ITFG1: variants seen among roughly 807,000 people sequenced by gnomAD.
ITFG1 encodes T-cell immunomodulatory protein.
A neutral mutation model predicts 81.8 loss-of-function variants in ITFG1; 34 were observed. The ratio of observed to expected loss-of-function variants is 0.42; its 90% confidence interval spans 0.32 to 0.55. The LOEUF (loss-of-function observed/expected upper bound fraction) is 0.55, where lower values mean the gene tolerates loss of function less well. Among genes scored for constraint, ITFG1 ranks in the 20% least tolerant of loss-of-function variants. The pLI is 0.17. For synonymous variants in ITFG1, 285 were observed against 270.6 expected (o/e 1.05, Z -0.52); for missense variants, 672 against 755.4 (o/e 0.89, Z 1.29).
intron 14 of ITFG1, among the ~76,000 whole-genome samples, chr16:47,179,104 TA>T (rs1555502500): frequency 1.1e-4 from 17 of 151,072 alleles, no homozygotes; most frequent in South Asian, 4.2e-4. Context: ...TGTGGAGAAA[TA>T]GGAACACTTT....
At chr16:47,272,107 G>A (rs1349011833) in intron 10 of ITFG1, among the ~76,000 whole-genome samples, 2 of 152,082 alleles carry the variant, frequency 1.3e-5, no homozygotes, top group Non-Finnish European at 2.9e-5. Context: ...TACACACTAC[G>A]ACATAGAAAA....
chr16:47,349,575 C>T (rs1195082611), intron 8 of ITFG1, among the ~76,000 whole-genome samples: 1 of 152,102 alleles, frequency 6.6e-6, no homozygotes, highest in South Asian at 2.1e-4. Flanking sequence ...CCTTAGAGAC[C>T]TACACAGAGA....
intron 10 of ITFG1, among the ~76,000 whole-genome samples, chr16:47,270,838 A>AT (rs1312343569): frequency 6.0e-3 from 915 of 152,300 alleles, no homozygotes; most frequent in African/African-American, 0.02. Flanking sequence ...CATTAATATA[A>AT]AATATTAGAA....
At chr16:47,347,550 C>T (rs1221648722) in intron 8 of ITFG1, among the ~76,000 whole-genome samples, 1 of 152,022 alleles carries the variant, frequency 6.6e-6, no homozygotes, top group Non-Finnish European at 1.5e-5. Context: ...AGCTGGGAAG[C>T]CCGAAATGGG....
At chr16:47,210,720 T>A (rs1361230378) in intron 14 of ITFG1, among the ~76,000 whole-genome samples, 2 of 152,186 alleles carry the variant, frequency 1.3e-5, no homozygotes, top group Admixed American at 6.5e-5. Context: ...TATCTTTCCT[T>A]TATTGCTTTT....
chr16:47,428,701 T>G, intron 6 of ITFG1, 103 bp downstream of exon 6: 1 of 764,092 alleles, frequency 1.3e-6, no homozygotes. Flanking sequence ...AAACATTAAT[T>G]TCAACATTTA....
At chr16:47,188,187 T>C (rs1255046329) in intron 14 of ITFG1, among the ~76,000 whole-genome samples, 1 of 150,756 alleles carries the variant, frequency 6.6e-6, no homozygotes, top group Non-Finnish European at 1.5e-5. Flanking sequence ...AGTTCAACCA[T>C]TGTGGAAGTC....
At chr16:47,188,868 G>A (rs1254694679) in intron 14 of ITFG1, among the ~76,000 whole-genome samples, 2 of 152,098 alleles carry the variant, frequency 1.3e-5, no homozygotes, top group African/African-American at 4.8e-5. Context: ...GGGTTTAAGC[G>A]ATGCTCCTGC....
At chr16:47,357,023 T>G (rs1223677171) in intron 8 of ITFG1, among the ~76,000 whole-genome samples, 1 of 151,964 alleles carries the variant, frequency 6.6e-6, no homozygotes, top group Non-Finnish European at 1.5e-5. Flanking sequence ...AATAATCACT[T>G]TCATAGTACT....
intron 10 of ITFG1, among the ~76,000 whole-genome samples, chr16:47,268,809 C>A (rs1966306220): frequency 6.6e-6 from 1 of 152,182 alleles, no homozygotes. Flanking sequence ...TTACTAAAAT[C>A]ATGACCAAGT....
intron 6 of ITFG1, among the ~76,000 whole-genome samples, chr16:47,405,457 A>G (rs570699066): frequency 1.4e-4 from 21 of 152,288 alleles, no homozygotes; most frequent in African/African-American, 4.3e-4. Context: ...TCTTAAAAAT[A>G]TCTTTCACAA....
intron 8 of ITFG1, among the ~76,000 whole-genome samples, chr16:47,359,572 C>G (rs1333407411): frequency 6.6e-6 from 1 of 152,192 alleles, no homozygotes; most frequent in African/African-American, 2.4e-5. Flanking sequence ...TAGCTTTTCC[C>G]TCTTAACTAG....
chr16:47,181,640 T>A (rs1965124756), intron 14 of ITFG1, among the ~76,000 whole-genome samples: 1 of 151,028 alleles, frequency 6.6e-6, no homozygotes, highest in Admixed American at 6.6e-5. Context: ...TACTGGGAAG[T>A]GAGGAGCCCC....
At chr16:47,293,115 C>T (rs113127408) in intron 10 of ITFG1, among the ~76,000 whole-genome samples, 1 of 145,262 alleles carries the variant, frequency 6.9e-6, no homozygotes, top group African/African-American at 2.5e-5. Flanking sequence ...TGATATATAT[C>T]ATATACAAGC....
At chr16:47,209,038 T>C (rs117643820) in intron 14 of ITFG1, among the ~76,000 whole-genome samples, 13 of 152,268 alleles carry the variant, frequency 8.5e-5, no homozygotes, top group Non-Finnish European at 1.0e-4. Context: ...ATAAGGAAGA[T>C]TGAAAAAATT....
At chr16:47,268,943 C>T (rs1966307728) in intron 10 of ITFG1, among the ~76,000 whole-genome samples, 1 of 152,140 alleles carries the variant, frequency 6.6e-6, no homozygotes, top group African/African-American at 2.4e-5. Flanking sequence ...GAAAAAGGAT[C>T]TGACAAAATC....
At chr16:47,345,554 C>T (rs775334633) in intron 8 of ITFG1, among the ~76,000 whole-genome samples, 7 of 152,142 alleles carry the variant, frequency 4.6e-5, no homozygotes, top group Non-Finnish European at 1.0e-4. Flanking sequence ...CCACCTTGGC[C>T]TCCAAAAGTG....
At chr16:47,192,629 G>C (rs185356642) in intron 14 of ITFG1, among the ~76,000 whole-genome samples, 17 of 152,308 alleles carry the variant, frequency 1.1e-4, no homozygotes, top group African/African-American at 4.1e-4. Flanking sequence ...GCTAAAGGGG[G>C]CTGGAGTTGG....
intron 5 of ITFG1, among the ~76,000 whole-genome samples, chr16:47,430,823 T>C (rs1055668255): frequency 1.3e-5 from 2 of 152,204 alleles, no homozygotes; most frequent in Non-Finnish European, 2.9e-5. Flanking sequence ...CGCTTAGCTA[T>C]ATATCCAAGA....
Sources: gnomAD v4.1 joint callset for allele counts (sites outside exome capture counted in the v4.1 genomes callset) on GRCh38, gnomAD v4.1.1 for gene constraint, MANE v1.5 for transcripts, NCBI Gene and HGNC (gene_info 2026-07-23, HGNC 2026-07-21) for gene names.